Variants in SLC39A13 observed in about 807,000 individuals in gnomAD.
SLC39A13 encodes zinc transporter ZIP13.
SLC39A13 carries 18 observed loss-of-function variants against 38.7 expected under a neutral mutation model. The observed-to-expected ratio is 0.47, with a 90% CI of 0.32 to 0.69. The LOEUF (loss-of-function observed/expected upper bound fraction) is 0.69, where lower values mean the gene tolerates loss of function less well. SLC39A13 is among the 30% of genes least tolerant of loss of function. The pLI, the probability that SLC39A13 is intolerant of heterozygous loss-of-function variation, is 0.03. For synonymous variants in SLC39A13, 212 were observed against 219.1 expected, an observed-to-expected ratio of 0.97 and a Z score of 0.29; for missense variants, 395 against 490.7, an observed-to-expected ratio of 0.80 and a Z score of 1.84.
Position 47,412,461 on chromosome 11 carries a change from C to A in SLC39A13, c.531C>A (p.Thr177=). The A allele has an allele frequency of 1.2e-6, 2 of 1,614,170 alleles. No homozygotes were observed. The highest frequency in any genetic ancestry group is 1.7e-6 in the Non-Finnish European group (2 of 1,180,004). Residue 177 remains threonine, a synonymous_variant, in exon 4 of 10, where the codon ACC becomes ACA. Coordinates refer to ENST00000362021, the MANE Select transcript of SLC39A13 (RefSeq NM_001128225.3). The part of the protein sequence containing the change: ...KMFLDSKEEG[T]SQAPNKDPTA... ...TCCTGGACAGCAAGGAGGAGGGGAC[C>A]AGCCAGGTGGGCCCCACACTCAAGG...
intron 1 of SLC39A13, chr11:47,409,590 T>C: frequency 5.6e-6 from 1 of 179,046 alleles, no homozygotes; most frequent in South Asian, 1.2e-4. Flanking sequence ...CTCAGTGCCC[T>C]GGGGACATTG....
intron 6 of SLC39A13, 88 bp from the exon 7 acceptor site, chr11:47,414,337 A>T (rs2096014737): frequency 8.2e-6 from 12 of 1,467,080 alleles, no homozygotes. Flanking sequence ...GCCAGCTCAG[A>T]GCAGAGTAAA....
At chr11:47,411,690 CA>C (rs1398938586) in intron 2 of SLC39A13, among the ~76,000 whole-genome samples, 2 of 152,266 alleles carry the variant, frequency 1.3e-5, no homozygotes, top group Non-Finnish European at 2.9e-5. Context: ...CTGCCAAGGT[CA>C]CCAGCTAGTG....
At chr11:47,414,619 C>A in intron 7 of SLC39A13, 144 bp downstream of exon 7, 2 of 1,498,466 alleles carry the variant, frequency 1.3e-6, no homozygotes, top group Non-Finnish European at 1.8e-6. Context: ...GAGCTCCTCA[C>A]CCCAGCAGCC....
chr11:47,408,708 G>T, intron 1 of SLC39A13, 46 bp downstream of exon 1: 1 of 153,054 alleles, frequency 6.5e-6, no homozygotes, highest in South Asian at 1.8e-4. Context: ...GGGCGTGATG[G>T]ACCCGGCCGA....
At chr11:47,409,700 G>A (rs1043051133) in intron 1 of SLC39A13, 7 of 264,516 alleles carry the variant, frequency 2.6e-5, no homozygotes, top group African/African-American at 4.5e-5. Flanking sequence ...CCCTTAGAAG[G>A]GGTGCCTCAG....
At chr11:47,414,748 G>C (rs779544830) in intron 7 of SLC39A13, 29 bp from the exon 8 acceptor site, 1 of 1,603,368 alleles carries the variant, frequency 6.2e-7, no homozygotes. Flanking sequence ...CCGCTGGGGC[G>C]CAGGGTGAAC....
chr11:47,413,352 G>A (rs2096009054), intron 4 of SLC39A13, 48 bp from the exon 5 acceptor site: 1 of 1,576,262 alleles, frequency 6.3e-7, no homozygotes, highest in African/African-American at 1.3e-5. Flanking sequence ...TGCCCTGGCT[G>A]AGTGGGGGGC....
At chr11:47,413,783 C>A in intron 6 of SLC39A13, 97 bp downstream of exon 6, 1 of 1,326,138 alleles carries the variant, frequency 7.5e-7, no homozygotes. Flanking sequence ...CCCTCCATTG[C>A]CAGCGCCCTC....
rs1463886419 is a variant in SLC39A13, at chr11:47,413,418, A to G, written c.556A>G (p.Thr186Ala). 4.3e-6 allele frequency: 7 copies of G among 1,613,824 alleles called. No homozygotes were observed. In the Admixed American group the frequency reaches 1.2e-4, roughly 27 times the overall value. ...GTSQAPNKDP[T>A]AAAAALNGGH... ...GCCCTAGGCCCCCAACAAAGACCCC[A>G]CTGCTGCTGCCGCCGCGCTCAATGG... The change falls in exon 5 of 10, where the codon ACT becomes GCT. Residue 186 changes from threonine (T) to alanine (A), a missense_variant. By Grantham distance (58) the Thr-to-Ala change is moderately conservative. Transcript: ENST00000362021.
At position 47,413,691 on chromosome 11, in the gene SLC39A13, G is replaced by A; in HGVS notation, c.735+5G>A. On this transcript the variant is annotated splice_donor_5th_base_variant and intron_variant, in intron 6 of 9. Coordinates refer to ENST00000362021, the MANE Select transcript of SLC39A13 (RefSeq NM_001128225.3). ...AGCTTCCTTGTGAGCAAGAAGGTGA[G>A]GGGCTTGGGGCCAGTGGGGCTCTGG... is the stretch of plus-strand genomic sequence containing the variant. The A allele has an allele frequency of 6.2e-7, 1 of 1,613,700 alleles. No individual in the cohort carries two copies. The highest frequency in any genetic ancestry group is 1.1e-5 in the South Asian group (1 of 91,004).
At chr11:47,413,944 C>T (rs1371796209) in intron 6 of SLC39A13, 4 of 703,010 alleles carry the variant, frequency 5.7e-6, no homozygotes, top group Non-Finnish European at 7.8e-6. Context: ...CTCCTAGATG[C>T]TTCTTCCTCT....
chr11:47,415,120 TGAAC>T lies in SLC39A13; in HGVS notation c.1003_1006del (p.Asn335CysfsTer27), dbSNP rs2096020262. The T allele has an allele frequency of 6.2e-7, 1 of 1,612,976 alleles. No homozygotes were observed. Among genetic ancestry groups the T allele is most frequent in the Non-Finnish European group, 8.5e-7 (1 of 1,179,558 alleles). On this transcript the variant is annotated frameshift_variant, in exon 9 of 10. Coordinates refer to ENST00000362021, the MANE Select transcript of SLC39A13 (RefSeq NM_001128225.3). LOFTEE classifies it high-confidence loss of function. ...GGCGGCTTTCTCTACATCGCCTTGG[TGAAC>T]GTGCTCCCTGACCTCTTGGAAGAAG... is the stretch of plus-strand genomic sequence containing the variant.
In SLC39A13 at chr11:47,412,195, C is replaced by T. The variant is rs559430136; in HGVS notation, c.416-151C>T. On this transcript the variant is annotated intron_variant, in intron 3 of 9. Coordinates refer to ENST00000362021, the MANE Select transcript of SLC39A13 (RefSeq NM_001128225.3). Reference sequence around the variant, plus strand: ...AGGGTCATTGTCCTGGTCTCTGGGCCCTGGTCCCAGTGGGAGTTCTGGGCC... The same window carrying T: ...AGGGTCATTGTCCTGGTCTCTGGGCTCTGGTCCCAGTGGGAGTTCTGGGCC... The T allele has an allele frequency of 1.1e-5, 15 of 1,307,184 alleles. No homozygotes were observed. The East Asian group carries it at 3.8e-4, about 33-fold the overall frequency. 81.0% of individuals were successfully genotyped at this position (1,307,184 alleles called of 1,614,324 possible).
rs368110805 is a variant in SLC39A13, at chr11:47,415,481, G to T, written c.*118G>T. 6.9e-6 allele frequency: 8 copies of T among 1,156,366 alleles called. No homozygotes were observed. The highest frequency in any genetic ancestry group is 1.5e-5 in the African/African-American group (1 of 66,108). The allele number at this position is 1,156,366 out of a possible 1,614,324, so 71.6% of individuals were successfully genotyped here. A position where few individuals can be genotyped will look rare whatever the true frequency, so the allele number is the denominator to read the frequency against. ...GGCTGCGAGAGAGAATGAGCCTCCC[G>T]CCAGACAGGAGGGAGGTGCGTGTGG... On this transcript the variant is annotated 3_prime_UTR_variant, in exon 10 of 10. Transcript: ENST00000362021.
At chr11:47,412,525 G>T (rs764985169) in intron 4 of SLC39A13, 58 bp downstream of exon 4, 7 of 1,611,614 alleles carry the variant, frequency 4.3e-6, no homozygotes, top group Non-Finnish European at 5.9e-6. Context: ...GTAGTGCCCG[G>T]GGCCTGGAGG....
intron 6 of SLC39A13, chr11:47,413,947 C>G: frequency 1.4e-6 from 1 of 702,638 alleles, no homozygotes; most frequent in Non-Finnish European, 2.6e-6. Flanking sequence ...CTAGATGCTT[C>G]TTCCTCTACC....
At chr11:47,412,233 C>T in intron 3 of SLC39A13, 113 bp from the exon 4 acceptor site, 2 of 1,449,022 alleles carry the variant, frequency 1.4e-6, no homozygotes, top group Non-Finnish European at 1.9e-6. Context: ...AGCTGCCCAA[C>T]CCACCCTTGT....
chr11:47,409,331 C>G (rs1353180176), intron 1 of SLC39A13: 1 of 152,328 alleles, frequency 6.6e-6, no homozygotes, highest in Non-Finnish European at 1.5e-5. Flanking sequence ...TGCGCCTCCT[C>G]ATGCCGGGTA....
Sources: allele counts gnomAD v4.1 joint callset (sites outside exome capture counted in the v4.1 genomes callset), GRCh38; gene constraint gnomAD v4.1.1; transcripts MANE v1.5; gene names NCBI Gene and HGNC (gene_info 2026-07-23, HGNC 2026-07-21).